The following BTBD7 variants were observed in gnomAD, a reference collection of about 807,000 sequenced individuals.
BTBD7 encodes the protein BTB domain containing 7.
BTBD7 carries 38 observed loss-of-function variants against 99.9 expected under a neutral mutation model. The observed-to-expected ratio is 0.38, with a 90% CI of 0.29 to 0.50. The LOEUF (loss-of-function observed/expected upper bound fraction) is 0.50, where lower values mean the gene tolerates loss of function less well. Among genes scored for constraint, BTBD7 ranks in the 20% least tolerant of loss-of-function variants. The pLI is 0.93. For missense variants in BTBD7, 1,170 were observed against 1,394.6 expected (o/e 0.84, Z 2.57); for synonymous variants, 520 against 511.4 (o/e 1.02, Z -0.23).
chr14:93,237,687 T>C lies in BTBD7; in HGVS notation c.*4586A>G, dbSNP rs1192546593. The C allele has an allele frequency of 1.3e-5, 2 of 152,640 alleles. No homozygotes were observed. Among genetic ancestry groups the C allele is most frequent in the Non-Finnish European group, 2.9e-5 (2 of 68,042 alleles). The allele number at this position is 152,640 out of a possible 1,614,324, so 9.5% of individuals were successfully genotyped here. A position where few individuals can be genotyped will look rare whatever the true frequency, so the allele number is the denominator to read the frequency against. ...TAATGGTACTCAAAAGAGAAATGTA[T>C]CGTTTTACAATGCTTCACACAGACG... On this transcript the variant is annotated 3_prime_UTR_variant, in exon 11 of 11. Coordinates refer to ENST00000334746, the MANE Select transcript of BTBD7 (RefSeq NM_001002860.4).
At chr14:93,291,127 C>T (rs919815953) in intron 3 of BTBD7, among the ~76,000 whole-genome samples, 1 of 151,528 alleles carries the variant, frequency 6.6e-6, no homozygotes, top group South Asian at 2.1e-4. Flanking sequence ...GCCACCACAC[C>T]TGGCCTAGTA....
chr14:93,310,501 T>C (rs576686708), intron 1 of BTBD7, among the ~76,000 whole-genome samples: 2 of 152,298 alleles, frequency 1.3e-5, no homozygotes, highest in Admixed American at 1.3e-4. Context: ...TGATGTAGTT[T>C]AATAATGTGC....
chr14:93,313,679 T>TATACACACAC (rs1555393030), intron 1 of BTBD7, among the ~76,000 whole-genome samples: 2 of 145,424 alleles, frequency 1.4e-5, no homozygotes, highest in Non-Finnish European at 3.0e-5. Flanking sequence ...AAAATGAAAC[T>TATACACACAC]ACACACACAC....
Position 93,263,722 on chromosome 14 carries a change from G to A in BTBD7, c.1371+63C>T, listed in dbSNP as rs1369193214. 4 of 1,456,514 alleles carry A rather than the reference G, an allele frequency of 2.7e-6. No homozygotes were observed. In the East Asian group the frequency reaches 6.8e-5, roughly 25 times the overall value. The allele number at this position is 1,456,514 out of a possible 1,614,324, so 90.2% of individuals were successfully genotyped here. ...CTACCCTAGATGGAAGAGTAATAGA[G>A]CATAGATGGGTTTCTTGGCGCACAT... On this transcript the variant is annotated intron_variant, in intron 4 of 10. Coordinates refer to ENST00000334746, the MANE Select transcript of BTBD7 (RefSeq NM_001002860.4).
chr14:93,270,095 CTTTTA>C (rs1214311902), intron 3 of BTBD7, among the ~76,000 whole-genome samples: 1 of 152,138 alleles, frequency 6.6e-6, no homozygotes, highest in Non-Finnish European at 1.5e-5. Context: ...AACTCAAAAG[CTTTTA>C]TTTTTATTTT....
At chr14:93,300,714 G>T (rs1484400982) in intron 1 of BTBD7, among the ~76,000 whole-genome samples, 1 of 12,050 alleles carries the variant, frequency 8.3e-5, no homozygotes, top group Non-Finnish European at 1.4e-4. Context: ...TTGTGTGTGT[G>T]TGTGTGTGTG....
intron 3 of BTBD7, among the ~76,000 whole-genome samples, chr14:93,286,702 C>T (rs1408922848): frequency 6.6e-6 from 1 of 152,200 alleles, no homozygotes; most frequent in African/African-American, 2.4e-5. Context: ...TGAGTTACAG[C>T]TTCGTGACTT....
At chr14:93,332,545 A>AGCGCCACACCTC (rs1427819510) in intron 1 of BTBD7, among the ~76,000 whole-genome samples, 2 of 149,972 alleles carry the variant, frequency 1.3e-5, no homozygotes, top group Non-Finnish European at 3.0e-5. Flanking sequence ...CCCCGCCCCG[A>AGCGCCACACCTC]GCGCCACACC....
At chr14:93,277,814 T>C (rs935599298) in intron 3 of BTBD7, among the ~76,000 whole-genome samples, 1 of 152,108 alleles carries the variant, frequency 6.6e-6, no homozygotes, top group Non-Finnish European at 1.5e-5. Context: ...GGAGGGAGCG[T>C]AGTCTGAAGA....
At chr14:93,255,466 A>T (rs1446784568) in intron 6 of BTBD7, 1 of 151,910 alleles carries the variant, frequency 6.6e-6, no homozygotes, top group Admixed American at 6.6e-5. Context: ...TACATAGTTG[A>T]ATTTAAGAAT....
Position 93,242,768 on chromosome 14 carries a change from C to A in BTBD7, c.2904G>T (p.Ser968=), listed in dbSNP as rs756129256. ...PALSRRTPSP[S]QGGYFGPDLY... is the part of the protein sequence containing the mutation. ...GATCGGGACCAAAATATCCACCTTGCGAAGGGGAAGGGGTGCGTCTGCTGA... is the reference window on the plus strand; with the variant it reads ...GATCGGGACCAAAATATCCACCTTGAGAAGGGGAAGGGGTGCGTCTGCTGA... Residue 968 remains serine, a synonymous_variant, in exon 11 of 11, where the codon TCG becomes TCT. Coordinates refer to ENST00000334746, the MANE Select transcript of BTBD7 (RefSeq NM_001002860.4). 2 of 1,614,078 alleles carry A rather than the reference C, an allele frequency of 1.2e-6. No homozygotes were observed. The highest frequency in any genetic ancestry group is 1.7e-6 in the Non-Finnish European group (2 of 1,180,026).
At chr14:93,304,706 T>C (rs1391343913) in intron 1 of BTBD7, among the ~76,000 whole-genome samples, 2 of 152,214 alleles carry the variant, frequency 1.3e-5, no homozygotes. Context: ...CATCAGAGAA[T>C]ACATTCAAAT....
intron 3 of BTBD7, among the ~76,000 whole-genome samples, chr14:93,282,331 TTTTC>T (rs1160784337): frequency 1.4e-5 from 2 of 146,406 alleles, no homozygotes; most frequent in Non-Finnish European, 3.0e-5. Context: ...AGCAATGCTT[TTTTC>T]TTTTTTTTTT....
In BTBD7 at chr14:93,246,043, G is replaced by A. The variant is rs1338542234; in HGVS notation, c.2365C>T (p.Pro789Ser). The change falls in exon 10 of 11, where the codon CCT (proline) becomes TCT (serine). Residue 789 changes from proline to serine, a missense_variant. This residue lies in a region of BTBD7 where 495 missense variants were observed against 525.9 expected (regional missense o/e 0.94). Transcript: ENST00000334746. ...GWKQRPPSQH[P>S]SRSFSYPCNH... ...CAGGGATAAGAAAATGAACGTGAAGGGTGCTGACTGGGAGGTCTTTGCTTC... is the reference window on the plus strand; with the variant it reads ...CAGGGATAAGAAAATGAACGTGAAGAGTGCTGACTGGGAGGTCTTTGCTTC... 3 of 1,610,934 alleles carry A rather than the reference G, an allele frequency of 1.9e-6. No homozygotes were observed. Among genetic ancestry groups the A allele is most frequent in the Non-Finnish European group, 2.5e-6 (3 of 1,179,822 alleles).
chr14:93,312,598 A>G (rs958627344), intron 1 of BTBD7, among the ~76,000 whole-genome samples: 12 of 152,272 alleles, frequency 7.9e-5, no homozygotes, highest in Admixed American at 2.0e-4. Context: ...CTCCTTGTCT[A>G]TAAGGACATC....
At chr14:93,258,144 T>A (rs1037984709) in intron 5 of BTBD7, among the ~76,000 whole-genome samples, 1 of 152,054 alleles carries the variant, frequency 6.6e-6, no homozygotes, top group African/African-American at 2.4e-5. Context: ...TTATTATTCA[T>A]GAAATGCTGG....
intron 3 of BTBD7, among the ~76,000 whole-genome samples, chr14:93,290,249 G>A (rs943601810): frequency 1.4e-5 from 2 of 147,922 alleles, no homozygotes; most frequent in African/African-American, 2.5e-5. Flanking sequence ...GTCTCACTCC[G>A]TCGCCCAGGT....
intron 8 of BTBD7, among the ~76,000 whole-genome samples, chr14:93,251,058 A>C (rs1185812528): frequency 6.6e-6 from 1 of 152,262 alleles, no homozygotes; most frequent in Non-Finnish European, 1.5e-5. Flanking sequence ...CACAACTGGC[A>C]ATGTCTAGAA....
intron 3 of BTBD7, among the ~76,000 whole-genome samples, chr14:93,268,515 A>G: frequency 6.6e-6 from 1 of 152,218 alleles, no homozygotes; most frequent in East Asian, 1.9e-4. Context: ...TATATGTATC[A>G]GGCTCTGTGT....
Sources: gnomAD v4.1 joint callset for allele counts (sites outside exome capture counted in the v4.1 genomes callset) on GRCh38, gnomAD v4.1.1 for gene constraint, gnomAD v4.1.1 regional missense constraint, MANE v1.5 for transcripts, NCBI Gene and HGNC (gene_info 2026-07-23, HGNC 2026-07-21) for gene names.